The following MAMLD1 variants were observed in gnomAD, a reference collection of about 807,000 sequenced individuals.
MAMLD1 encodes the protein mastermind-like domain-containing protein 1.
A neutral mutation model predicts 45.0 loss-of-function variants in MAMLD1; 14 were observed. The observed-to-expected ratio is 0.31, with a 90% CI of 0.21 to 0.49. The LOEUF is 0.49. Among genes scored for constraint, MAMLD1 ranks in the 20% least tolerant of loss-of-function variants. The probability of loss-of-function intolerance (pLI) is 0.99; values close to 1 mark genes in which losing one functional copy is unlikely to be tolerated. For missense variants in MAMLD1, 543 were observed against 603.6 expected, an observed-to-expected ratio of 0.90 and a Z score of 1.05; for synonymous variants, 254 against 247.8, an observed-to-expected ratio of 1.02 and a Z score of -0.24.
At chrX:150,468,362 G>A (rs1360582713) in intron 3 of MAMLD1, among the ~76,000 whole-genome samples, 1 of 111,405 alleles carries the variant, frequency 9.0e-6, no homozygotes, top group Non-Finnish European at 1.9e-5. Flanking sequence ...CAAACTTAAG[G>A]TGACATCAGA....
intron 1 of MAMLD1, among the ~76,000 whole-genome samples, chrX:150,427,074 A>G (rs782446552): frequency 9.0e-6 from 1 of 111,151 alleles, no homozygotes; most frequent in African/African-American, 3.3e-5. Flanking sequence ...CAATCTTTAC[A>G]TAGTGTTCTC....
intron 1 of MAMLD1, among the ~76,000 whole-genome samples, chrX:150,406,282 T>A (rs1352669372): frequency 2.8e-5 from 3 of 107,486 alleles, no homozygotes; most frequent in Non-Finnish European, 3.9e-5. Flanking sequence ...CTCACCCCCA[T>A]CACATAGCAG....
chrX:150,472,714 C>G (rs1178786100), intron 4 of MAMLD1, among the ~76,000 whole-genome samples: 1 of 112,061 alleles, frequency 8.9e-6, no homozygotes, highest in Non-Finnish European at 1.9e-5. Flanking sequence ...GTCACAGTCT[C>G]TATGACCTGG....
chrX:150,487,655 G>T (rs1473502276), intron 5 of MAMLD1, among the ~76,000 whole-genome samples: 1 of 111,665 alleles, frequency 9.0e-6, no homozygotes, highest in Non-Finnish European at 1.9e-5. Context: ...CTTCCCCAGG[G>T]CCCCTCACCT....
intron 1 of MAMLD1, among the ~76,000 whole-genome samples, chrX:150,368,660 G>A (rs1376686993): frequency 8.9e-6 from 1 of 111,905 alleles, no homozygotes; most frequent in Non-Finnish European, 1.9e-5. Context: ...GAATGGCATT[G>A]CCTAGGTTTT....
At chrX:150,499,739 C>T (rs2037495995) in intron 5 of MAMLD1, among the ~76,000 whole-genome samples, 1 of 111,759 alleles carries the variant, frequency 8.9e-6, no homozygotes, top group Non-Finnish European at 1.9e-5. Context: ...AACAATCTAT[C>T]TCAAATTCAC....
rs782375424 is a variant in MAMLD1, at chrX:150,470,622, C to G, written c.1049C>G (p.Pro350Arg). ...CCAGTGCCATCACCACACCCACCAC[C>G]GCTGCCACTGCCACCACCACCACCC... The part of the protein sequence containing the change: ...YRPVPSPHPP[P>R]LPLPPPPPPF... Residue 350 changes from proline to arginine, a missense_variant, in exon 4 of 8, where the codon CCG (proline) becomes CGG (arginine). By Grantham distance (103) the Pro-to-Arg change is moderately radical. Coordinates refer to ENST00000370401, the MANE Select transcript of MAMLD1 (RefSeq NM_005491.5). 3 of 1,211,914 alleles carry G rather than the reference C, an allele frequency of 2.5e-6. No homozygotes were observed.
intron 6 of MAMLD1, among the ~76,000 whole-genome samples, chrX:150,508,659 C>A (rs933908469): frequency 1.8e-5 from 2 of 112,672 alleles, no homozygotes; most frequent in Non-Finnish European, 3.8e-5. Flanking sequence ...GTCGCTACCC[C>A]GCCCCACTCC....
At chrX:150,430,019 C>CTTTTTTTTTTTTTTTTT (rs1174092962) in intron 1 of MAMLD1, among the ~76,000 whole-genome samples, 5 of 49,230 alleles carry the variant, frequency 1.0e-4, no homozygotes, top group African/African-American at 1.7e-4. Context: ...TCTTTCTTTT[C>CTTTTTTTTTTTTTTTTT]TTTTTTTTTT....
At chrX:150,444,645 G>C (rs180703881) in intron 1 of MAMLD1, among the ~76,000 whole-genome samples, 15 of 112,243 alleles carry the variant, frequency 1.3e-4, no homozygotes, top group Non-Finnish European at 2.1e-4. Context: ...TTAGACTTGA[G>C]ATTTTAGAGG....
intron 1 of MAMLD1, among the ~76,000 whole-genome samples, chrX:150,384,594 G>A (rs191341945): frequency 1.3e-3 from 147 of 111,444 alleles, no homozygotes; most frequent in Non-Finnish European, 2.3e-3. Flanking sequence ...GGTATTATTC[G>A]CAGCACAAAA....
At chrX:150,424,788 T>C (rs1469154152) in intron 1 of MAMLD1, among the ~76,000 whole-genome samples, 2 of 112,204 alleles carry the variant, frequency 1.8e-5, no homozygotes, top group Non-Finnish European at 3.8e-5. Context: ...CAATTCAATG[T>C]GTTTTAGTGT....
chrX:150,478,164 A>G (rs1238203255), intron 5 of MAMLD1, among the ~76,000 whole-genome samples: 2 of 112,092 alleles, frequency 1.8e-5, no homozygotes, highest in African/African-American at 3.2e-5. Flanking sequence ...TTATATTTGA[A>G]CCATGACTTT....
At chrX:150,482,339 G>GT (rs2036842290) in intron 5 of MAMLD1, among the ~76,000 whole-genome samples, 1 of 112,140 alleles carries the variant, frequency 8.9e-6, no homozygotes, top group Non-Finnish European at 1.9e-5. Flanking sequence ...AGATAGAACT[G>GT]TGAGTGACAG....
Position 150,470,868 on chromosome X carries a change from T to C in MAMLD1, c.1295T>C (p.Met432Thr). The C allele has an allele frequency of 8.3e-7, 1 of 1,211,724 alleles. No homozygotes were observed. Among genetic ancestry groups the C allele is most frequent in the Non-Finnish European group, 1.1e-6 (1 of 895,532 alleles). ...CAGAGCTCCATTCTTGCCAACCTCA[T>C]GTCCTCTACCATCAAAACCCCTCAA... ...GPQSSILANL[M>T]SSTIKTPQGH... is the part of the protein sequence containing the mutation. Residue 432 changes from methionine (M) to threonine (T), a missense_variant, in exon 4 of 8, where the codon ATG (methionine) becomes ACG (threonine). By Grantham distance (81) the Met-to-Thr change is moderately conservative. Coordinates refer to ENST00000370401, the MANE Select transcript of MAMLD1 (RefSeq NM_005491.5).
chrX:150,401,135 C>A (rs2033734764), intron 1 of MAMLD1, among the ~76,000 whole-genome samples: 1 of 111,345 alleles, frequency 9.0e-6, no homozygotes, highest in Non-Finnish European at 1.9e-5. Flanking sequence ...ACAATTTCAG[C>A]TCCTGTTATT....
chrX:150,415,818 A>G (rs982853079), intron 1 of MAMLD1, among the ~76,000 whole-genome samples: 3 of 112,422 alleles, frequency 2.7e-5, no homozygotes, highest in Middle Eastern at 4.2e-3. Flanking sequence ...GGAGTTAAAT[A>G]TTTATCCTTG....
intron 1 of MAMLD1, among the ~76,000 whole-genome samples, chrX:150,412,796 C>G (rs2034157185): frequency 9.0e-6 from 1 of 110,762 alleles, no homozygotes; most frequent in Non-Finnish European, 1.9e-5. Flanking sequence ...CAGCTCAGTG[C>G]AAACTCGACC....
intron 1 of MAMLD1, among the ~76,000 whole-genome samples, chrX:150,401,084 G>C (rs1557402413): frequency 9.0e-6 from 1 of 110,963 alleles, no homozygotes; most frequent in South Asian, 3.8e-4. Context: ...AATCCATCTG[G>C]TCCTGGACTC....
Sources: allele counts gnomAD v4.1 joint callset (sites outside exome capture counted in the v4.1 genomes callset), GRCh38; gene constraint gnomAD v4.1.1; transcripts MANE v1.5; gene names NCBI Gene and HGNC (gene_info 2026-07-23, HGNC 2026-07-21).